Variants in CHMP4C observed in about 807,000 individuals in gnomAD.
The protein encoded by CHMP4C is charged multivesicular body protein 4C.
CHMP4C carries 28 observed loss-of-function variants against 29.0 expected under a neutral mutation model. The observed-to-expected ratio is 0.97, with a 90% confidence interval of 0.72 to 1.32. The LOEUF (loss-of-function observed/expected upper bound fraction) is 1.32. Among genes scored for constraint, CHMP4C ranks in the 40% most tolerant of loss-of-function variants. The pLI is 0.00. For missense variants in CHMP4C, 291 were observed against 281.0 expected (o/e 1.04, Z -0.25); for synonymous variants, 106 against 102.4 (o/e 1.04, Z -0.21).
At chr8:81,748,955 G>A (rs1256373439) in intron 1 of CHMP4C, among the ~76,000 whole-genome samples, 1 of 150,138 alleles carries the variant, frequency 6.7e-6, no homozygotes, top group Non-Finnish European at 1.5e-5. Flanking sequence ...TGCAAGCTTA[G>A]TAATTATGAA....
intron 1 of CHMP4C, 54 bp from the exon 2 acceptor site, chr8:81,753,010 T>C: frequency 6.8e-7 from 1 of 1,481,410 alleles, no homozygotes. Flanking sequence ...CAAACATCTC[T>C]TGATTTAGTG....
At chr8:81,742,642 T>C (rs573855395) in intron 1 of CHMP4C, among the ~76,000 whole-genome samples, 124 of 152,350 alleles carry the variant, frequency 8.1e-4, no homozygotes, top group African/African-American at 2.2e-3. Context: ...AGCAGTAACG[T>C]TGTTTAACAG....
intron 3 of CHMP4C, 142 bp from the exon 4 acceptor site, chr8:81,758,000 A>C: frequency 1.3e-6 from 1 of 771,080 alleles, no homozygotes; most frequent in Non-Finnish European, 2.1e-6. Context: ...GTGTTGCAAA[A>C]AAGACTTAGT....
intron 1 of CHMP4C, among the ~76,000 whole-genome samples, chr8:81,740,583 A>C (rs1808752378): frequency 6.6e-6 from 1 of 152,224 alleles, no homozygotes; most frequent in African/African-American, 2.4e-5. Context: ...CACTCAATGA[A>C]TTCAGATGTT....
At chr8:81,746,685 T>A (rs1318782007) in intron 1 of CHMP4C, among the ~76,000 whole-genome samples, 3 of 152,228 alleles carry the variant, frequency 2.0e-5, no homozygotes, top group Non-Finnish European at 4.4e-5. Flanking sequence ...AATTACAGTG[T>A]AAGTTGAGAT....
At chr8:81,755,529 A>G (rs1331439071) in intron 3 of CHMP4C, 45 bp downstream of exon 3, 1 of 1,148,170 alleles carries the variant, frequency 8.7e-7, no homozygotes, top group Non-Finnish European at 1.3e-6. Flanking sequence ...GCTGCTATAA[A>G]GAGTAGCTTC....
At position 81,758,492 on chromosome 8, in the gene CHMP4C, G is replaced by A. The variant is rs542144061; in HGVS notation, c.650G>A (p.Arg217Lys). Residue 217 changes from arginine to lysine, a missense_variant, in exon 5 of 5, where the codon AGG (arginine) becomes AAG (lysine). By Grantham distance (26) the Arg-to-Lys change is conservative. Coordinates refer to ENST00000297265, the MANE Select transcript of CHMP4C (RefSeq NM_152284.4). Reference protein sequence around the residue: ...ARRSRAASSQRAEEEDDDIKQ... With the variant: ...ARRSRAASSQKAEEEDDDIKQ... The stretch of plus-strand genomic sequence containing the variant: ...TTTTATGTTCCAGCATCTTCCCAGA[G>A]GGCAGAAGAAGAGGATGATGATATC... 9 of 1,613,068 alleles carry A rather than the reference G, an allele frequency of 5.6e-6. No individual in the cohort carries two copies. The Admixed American group carries it at 8.3e-5, about 15-fold the overall frequency.
At chr8:81,744,713 C>T (rs540277264) in intron 1 of CHMP4C, among the ~76,000 whole-genome samples, 11 of 152,252 alleles carry the variant, frequency 7.2e-5, no homozygotes, top group African/African-American at 2.4e-4. Flanking sequence ...GTGCCTATAG[C>T]ATAGTAGGTG....
intron 1 of CHMP4C, among the ~76,000 whole-genome samples, chr8:81,734,681 T>C (rs536450461): frequency 6.6e-6 from 1 of 152,230 alleles, no homozygotes; most frequent in Non-Finnish European, 1.5e-5. Context: ...TAGGAAGTGG[T>C]AAAAATGTAA....
intron 4 of CHMP4C, 71 bp from the exon 5 acceptor site, chr8:81,758,408 AT>A (rs1331398935): frequency 1.3e-6 from 2 of 1,542,154 alleles, no homozygotes; most frequent in Non-Finnish European, 9.0e-7. Flanking sequence ...TTTATATGTA[AT>A]TCATACCTGT....
rs1233281138 is a variant in CHMP4C at position 81,757,999 on chromosome 8, A to G, written c.484-143A>G. 5.2e-6 allele frequency: 4 copies of G among 768,892 alleles called. No individual in the cohort carries two copies. The East Asian group carries it at 7.5e-5, about 15-fold the overall frequency. 47.6% of individuals were successfully genotyped at this position (768,892 alleles called of 1,614,324 possible). ...TTTTAATCATTGCTCAGTGTTGCAA[A>G]AAAGACTTAGTTTTAAAATAAATAT... On this transcript the variant is annotated intron_variant, in intron 3 of 4. Transcript: ENST00000297265.
intron 1 of CHMP4C, among the ~76,000 whole-genome samples, chr8:81,734,253 A>G (rs1196960206): frequency 1.3e-5 from 2 of 152,140 alleles, no homozygotes; most frequent in Non-Finnish European, 2.9e-5. Flanking sequence ...AGTGTCTGTC[A>G]AGGGTTTTCT....
intron 3 of CHMP4C, among the ~76,000 whole-genome samples, chr8:81,756,341 TG>T (rs1808971547): frequency 6.6e-6 from 1 of 152,256 alleles, no homozygotes; most frequent in Admixed American, 6.5e-5. Context: ...AAGGAGACTA[TG>T]GGGCAGAAGA....
At chr8:81,757,352 A>T (rs2130499331) in intron 3 of CHMP4C, among the ~76,000 whole-genome samples, 1 of 152,304 alleles carries the variant, frequency 6.6e-6, no homozygotes, top group East Asian at 1.9e-4. Context: ...TCTAATAGTG[A>T]CAACCTCATA....
At chr8:81,740,477 G>A (rs796605466) in intron 1 of CHMP4C, among the ~76,000 whole-genome samples, 33 of 152,276 alleles carry the variant, frequency 2.2e-4, no homozygotes, top group African/African-American at 7.9e-4. Context: ...ATGGCCTGCC[G>A]CTCATCTCCT....
rs7842768 is a variant in CHMP4C, at chr8:81,741,751, C to G, written c.190+8935C>G. Among the ~76,000 whole-genome samples the G allele has an allele frequency of 1.8e-4, 28 of 152,136 alleles. 1 individual carries two copies. Among genetic ancestry groups the G allele is most frequent in the African/African-American group, 6.7e-4 (28 of 41,510 alleles). On this transcript the variant is annotated intron_variant, in intron 1 of 4. Coordinates refer to ENST00000297265, the MANE Select transcript of CHMP4C (RefSeq NM_152284.4). ...GATATTGTTGATTTATTTTTAAATG[C>G]CACAGTCTCATCTGCTTTAGTAAAC... is the stretch of plus-strand genomic sequence containing the variant.
At chr8:81,742,587 G>A (rs1808774526) in intron 1 of CHMP4C, among the ~76,000 whole-genome samples, 1 of 152,092 alleles carries the variant, frequency 6.6e-6, no homozygotes, top group Non-Finnish European at 1.5e-5. Flanking sequence ...CTATCACATG[G>A]TGTTATATGC....
intron 3 of CHMP4C, 44 bp from the exon 4 acceptor site, chr8:81,758,097 TC>T (rs1808992866): frequency 6.3e-7 from 1 of 1,588,452 alleles, no homozygotes; most frequent in African/African-American, 1.3e-5. Flanking sequence ...GAAACCCATG[TC>T]TTGAAACGTT....
Position 81,758,188 on chromosome 8 carries a change from A to G in CHMP4C, c.530A>G (p.Asn177Ser). ...ELEELEQEEL[N>S]KKMTNIRLPN... ...GAAGAATTGGAACAGGAGGAATTAA[A>G]TAAGAAGATGACAAATATCCGCCTT... is the stretch of plus-strand genomic sequence containing the variant. The change falls in exon 4 of 5, where the codon AAT becomes AGT. Residue 177 changes from asparagine (N) to serine (S), a missense_variant. By Grantham distance (46) the Asn-to-Ser change is conservative. Transcript: ENST00000297265. 1 of 1,613,972 alleles carries G rather than the reference A, an allele frequency of 6.2e-7. No homozygotes were observed.
Sources: allele counts gnomAD v4.1 joint callset (sites outside exome capture counted in the v4.1 genomes callset), GRCh38; gene constraint gnomAD v4.1.1; transcripts MANE v1.5; gene names NCBI Gene and HGNC (gene_info 2026-07-23, HGNC 2026-07-21).